ZMIZ1: variants seen among roughly 807,000 people sequenced by gnomAD.
ZMIZ1 encodes zinc finger MIZ domain-containing protein 1.
Under a neutral mutation model 113.9 loss-of-function variants are expected in ZMIZ1, and 17 were observed. The ratio of observed to expected loss-of-function variants is 0.15; its 90% confidence interval spans 0.10 to 0.22. The LOEUF is 0.22. ZMIZ1 is among the 10% of genes least tolerant of loss of function. The pLI is 1.00. For synonymous variants in ZMIZ1, 607 were observed against 603.1 expected (o/e 1.01, Z -0.09); for missense variants, 1,059 against 1,477.8 (o/e 0.72, Z 4.65).
chr10:79,126,315 C>G (rs144034286), intron 2 of ZMIZ1, among the ~76,000 whole-genome samples: 1,754 of 152,284 alleles, frequency 0.012, 41 homozygotes, highest in African/African-American at 0.04. Context: ...CCCTCATCAG[C>G]CCCCTCTGCC....
At chr10:79,120,442 C>T (rs11002831) in intron 2 of ZMIZ1, among the ~76,000 whole-genome samples, 8,328 of 152,264 alleles carry the variant, frequency 0.055, 330 homozygotes, top group East Asian at 0.18. Context: ...GGCTCTGCAT[C>T]GGCAAAAGCT....
chr10:79,130,640 T>C (rs1589309537), intron 2 of ZMIZ1, among the ~76,000 whole-genome samples: 1 of 151,770 alleles, frequency 6.6e-6, no homozygotes, highest in Non-Finnish European at 1.5e-5. Context: ...GGCGCTGGGG[T>C]CATAATATGA....
intron 8 of ZMIZ1, among the ~76,000 whole-genome samples, chr10:79,279,066 GC>G (rs1208124328): frequency 1.5e-5 from 2 of 132,216 alleles, no homozygotes; most frequent in African/African-American, 5.4e-5. Context: ...GGCGGGGGCT[GC>G]CCCCCACCTC....
chr10:79,162,402 G>A (rs541798297), intron 4 of ZMIZ1, among the ~76,000 whole-genome samples: 1 of 152,180 alleles, frequency 6.6e-6, no homozygotes, highest in African/African-American at 2.4e-5. Flanking sequence ...AGAGGGGCAG[G>A]TCTGGCCACC....
chr10:79,271,860 T>C (rs1291395110), intron 7 of ZMIZ1, among the ~76,000 whole-genome samples: 2 of 152,242 alleles, frequency 1.3e-5, no homozygotes, highest in East Asian at 3.9e-4. Flanking sequence ...CCACCTTCTG[T>C]CTGGAAGGCT....
intron 1 of ZMIZ1, among the ~76,000 whole-genome samples, chr10:79,087,777 A>G (rs1259075983): frequency 6.6e-6 from 1 of 152,190 alleles, no homozygotes; most frequent in Non-Finnish European, 1.5e-5. Flanking sequence ...GTCTGCCTGG[A>G]GAACTCCTAG....
At chr10:79,244,406 G>T (rs1057481917) in intron 7 of ZMIZ1, among the ~76,000 whole-genome samples, 7 of 152,218 alleles carry the variant, frequency 4.6e-5, no homozygotes, top group African/African-American at 1.4e-4. Flanking sequence ...GAGGCTGCCT[G>T]GGGTCCTGAG....
intron 3 of ZMIZ1, among the ~76,000 whole-genome samples, chr10:79,153,118 G>A (rs1845773365): frequency 6.6e-6 from 1 of 152,138 alleles, no homozygotes; most frequent in African/African-American, 2.4e-5. Flanking sequence ...GAGAAGAAGG[G>A]GCATCCTAGG....
intron 4 of ZMIZ1, among the ~76,000 whole-genome samples, chr10:79,168,550 A>G (rs906003236): frequency 6.6e-6 from 1 of 152,214 alleles, no homozygotes; most frequent in Non-Finnish European, 1.5e-5. Flanking sequence ...ACAGGCACCC[A>G]GCTTGTGCAC....
chr10:79,188,339 T>C (rs1847435961), intron 4 of ZMIZ1, among the ~76,000 whole-genome samples: 1 of 152,138 alleles, frequency 6.6e-6, no homozygotes, highest in Non-Finnish European at 1.5e-5. Context: ...TCATGTGACC[T>C]TCCTACTCTG....
intron 7 of ZMIZ1, among the ~76,000 whole-genome samples, chr10:79,243,384 C>A (rs1440995941): frequency 1.3e-5 from 2 of 149,444 alleles, no homozygotes; most frequent in Admixed American, 6.6e-5. Context: ...GCGGAGCCTC[C>A]GCCTATGATT....
chr10:79,132,279 G>T (rs1404456332), intron 2 of ZMIZ1, among the ~76,000 whole-genome samples: 1 of 152,198 alleles, frequency 6.6e-6, no homozygotes, highest in Non-Finnish European at 1.5e-5. Context: ...CAAGTCCTGA[G>T]TGCAGCAGTG....
At position 79,310,932 on chromosome 10, in the gene ZMIZ1, C is replaced by T. The variant is rs535485402; in HGVS notation, c.2844C>T (p.His948=). 7 of 1,612,984 alleles carry T rather than the reference C, an allele frequency of 4.3e-6. No individual in the cohort carries two copies. Among genetic ancestry groups the T allele is most frequent in the East Asian group, 4.5e-5 (2 of 44,858 alleles). ...LSHPMQETMP[H]AGSSDQPHPS... is the part of the protein sequence containing the mutation. ...TCTCTCCTCCTCCACAGATGCCACA[C>T]GCTGGCAGCTCTGACCAGCCCCACC... is the stretch of plus-strand genomic sequence containing the variant. Residue 948 remains histidine, a synonymous_variant, in exon 24 of 25, where the codon CAC becomes CAT. Transcript: ENST00000334512.
chr10:79,189,918 T>C (rs1013894429), intron 4 of ZMIZ1, among the ~76,000 whole-genome samples: 12 of 152,164 alleles, frequency 7.9e-5, no homozygotes, highest in African/African-American at 2.9e-4. Context: ...CTGAGTAGCC[T>C]CACACCCAGA....
chr10:79,118,834 C>T lies in ZMIZ1; in HGVS notation c.-336-81C>T, dbSNP rs897185680. The T allele has an allele frequency of 1.3e-5, 2 of 152,354 alleles. No individual in the cohort carries two copies. The highest frequency in any genetic ancestry group is 2.9e-5 in the Non-Finnish European group (2 of 68,134). 9.4% of individuals were successfully genotyped at this position (152,354 alleles called of 1,614,324 possible). A position where few individuals can be genotyped will look rare whatever the true frequency, so the allele number is the denominator to read the frequency against. On this transcript the variant is annotated intron_variant, in intron 1 of 24. Transcript: ENST00000334512. This position sits in a 1 kb window ranked among gnomAD's most constrained non-coding sequence, Gnocchi z 4.1. ...TCTTCCAGGAGATGGCAGCCAGGAC[C>T]TAGAGGTCCATGACGTGGGTGAGGG...
intron 3 of ZMIZ1, among the ~76,000 whole-genome samples, chr10:79,152,927 G>A (rs1447000010): frequency 8.5e-5 from 13 of 152,258 alleles, no homozygotes; most frequent in Non-Finnish European, 1.5e-5. Flanking sequence ...TGGGTGCTGT[G>A]GCAACAGGAA....
At chr10:79,141,734 A>G (rs1337449252) in intron 3 of ZMIZ1, among the ~76,000 whole-genome samples, 1 of 152,238 alleles carries the variant, frequency 6.6e-6, no homozygotes, top group Non-Finnish European at 1.5e-5. Flanking sequence ...TAAGTTGGCC[A>G]TTTAAGATAG....
At chr10:79,087,608 G>C (rs1283032463) in intron 1 of ZMIZ1, among the ~76,000 whole-genome samples, 1 of 152,174 alleles carries the variant, frequency 6.6e-6, no homozygotes, top group Admixed American at 6.5e-5. Flanking sequence ...GTGTGAACCT[G>C]AATAAAAGGC....
intron 5 of ZMIZ1, among the ~76,000 whole-genome samples, chr10:79,203,307 A>G (rs999599118): frequency 4.6e-5 from 7 of 152,178 alleles, no homozygotes; most frequent in Non-Finnish European, 8.8e-5. Flanking sequence ...TATGCAGGGT[A>G]TGTGGAGAGG....
Sources: gnomAD v4.1 joint callset for allele counts (sites outside exome capture counted in the v4.1 genomes callset) on GRCh38, gnomAD v4.1.1 for gene constraint, Gnocchi (gnomAD v3.1) non-coding constraint, MANE v1.5 for transcripts, NCBI Gene and HGNC (gene_info 2026-07-23, HGNC 2026-07-21) for gene names.